Variants in PEF1 observed in about 807,000 individuals in gnomAD.
The protein encoded by PEF1 is peflin.
A neutral mutation model predicts 32.0 loss-of-function variants in PEF1; 17 were observed. The ratio of observed to expected loss-of-function variants is 0.53; its 90% CI spans 0.36 to 0.80. PEF1 has a LOEUF of 0.80. PEF1 is among the 30% of genes least tolerant of loss of function. The pLI, the probability that PEF1 is intolerant of heterozygous loss-of-function variation, is 0.00. For synonymous variants in PEF1, 130 were observed against 139.8 expected (o/e 0.93, Z 0.50); for missense variants, 362 against 369.1 (o/e 0.98, Z 0.16).
intron 1 of PEF1, among the ~76,000 whole-genome samples, chr1:31,638,851 T>C (rs112975950): frequency 0.022 from 3,405 of 152,348 alleles, 114 homozygotes; most frequent in African/African-American, 0.077. Context: ...TCAGCACGCA[T>C]TTTCAGAGTG....
intron 1 of PEF1, among the ~76,000 whole-genome samples, chr1:31,641,072 C>G (rs1349134296): frequency 1.6e-4 from 25 of 152,198 alleles, no homozygotes; most frequent in Admixed American, 1.6e-3. Context: ...CCCCAGACTT[C>G]AATTACCTCT....
At chr1:31,632,211 G>A (rs1307455548) in intron 4 of PEF1, 10 of 616,022 alleles carry the variant, frequency 1.6e-5, no homozygotes, top group Non-Finnish European at 2.3e-5. Flanking sequence ...TCCTTAAGGT[G>A]CCAAGTTTCC....
At chr1:31,632,742 G>A (rs1275503085) in intron 3 of PEF1, 104 bp from the exon 4 acceptor site, 2 of 1,379,248 alleles carry the variant, frequency 1.5e-6, no homozygotes, top group African/African-American at 2.9e-5. Flanking sequence ...GCTGGAGTAG[G>A]CGACTTCACA....
intron 1 of PEF1, among the ~76,000 whole-genome samples, chr1:31,636,348 CACCTAT>C (rs1461712303): frequency 6.6e-6 from 1 of 152,090 alleles, no homozygotes; most frequent in East Asian, 1.9e-4. Flanking sequence ...TGGTGGCGCA[CACCTAT>C]AGTCCCAATG....
intron 2 of PEF1, 122 bp downstream of exon 2, chr1:31,635,093 TGAAGCTG>T: frequency 8.6e-7 from 1 of 1,166,718 alleles, no homozygotes; most frequent in South Asian, 1.4e-5. Flanking sequence ...GGATACACAC[TGAAGCTG>T]GAAGCAAGAT....
intron 1 of PEF1, among the ~76,000 whole-genome samples, chr1:31,643,456 C>A (rs1285001015): frequency 1.3e-5 from 2 of 152,230 alleles, no homozygotes; most frequent in Non-Finnish European, 2.9e-5. Flanking sequence ...CTTCCTAACT[C>A]CAGCCCGCAC....
intron 1 of PEF1, 197 bp downstream of exon 1, chr1:31,644,644 T>A: frequency 6.9e-7 from 1 of 1,441,008 alleles, no homozygotes; most frequent in Admixed American, 2.6e-5. Context: ...CGACACGACC[T>A]CGCGAATGTG....
intron 4 of PEF1, 200 bp downstream of exon 4, chr1:31,632,295 T>C (rs1383538371): frequency 2.3e-6 from 2 of 878,152 alleles, no homozygotes; most frequent in Admixed American, 4.0e-5. Context: ...TGGACCCAGG[T>C]GTTTCCTTGC....
In PEF1 at chr1:31,635,262, T is replaced by C. The variant is rs575658591; in HGVS notation, c.285A>G (p.Pro95=). 3.2e-5 allele frequency: 51 copies of C among 1,614,084 alleles called. 2 individuals are homozygous for C. In the South Asian group the frequency reaches 5.4e-4, roughly 17 times the overall value. ...CAGGCTGCTGGGCACCGTAGGAACT[T>C]GGAGGTGGCTGACCATAGGGGCCCC... ...APGGPYGQPP[P]SSYGAQQPGL... The change falls in exon 2 of 5, where the codon CCA becomes CCG. Residue 95 remains proline (P), a synonymous_variant. Coordinates refer to ENST00000373703, the MANE Select transcript of PEF1 (RefSeq NM_012392.4).
chr1:31,643,703 G>A (rs1325193268), intron 1 of PEF1, among the ~76,000 whole-genome samples: 1 of 152,196 alleles, frequency 6.6e-6, no homozygotes, highest in East Asian at 1.9e-4. Flanking sequence ...CTCCCTGGAA[G>A]GACTGTTACA....
Position 31,635,258 on chromosome 1 carries a change from A to G in PEF1, c.289T>C (p.Ser97Pro). 1 of 1,614,138 alleles carries G rather than the reference A, an allele frequency of 6.2e-7. No individual in the cohort carries two copies. The highest frequency in any genetic ancestry group is 8.5e-7 in the Non-Finnish European group (1 of 1,180,026). Residue 97 changes from serine (S) to proline (P), a missense_variant, in exon 2 of 5, where the codon TCC becomes CCC. Ser to Pro is a moderately conservative substitution (Grantham distance 74). Coordinates refer to ENST00000373703, the MANE Select transcript of PEF1 (RefSeq NM_012392.4). ...AGCCCAGGCTGCTGGGCACCGTAGGAACTTGGAGGTGGCTGACCATAGGGG... is the reference window on the plus strand; with the variant it reads ...AGCCCAGGCTGCTGGGCACCGTAGGGACTTGGAGGTGGCTGACCATAGGGG... ...GGPYGQPPPS[S>P]YGAQQPGLYG... is the part of the protein sequence containing the mutation.
At chr1:31,634,120 A>G (rs1640192867) in intron 2 of PEF1, among the ~76,000 whole-genome samples, 1 of 152,214 alleles carries the variant, frequency 6.6e-6, no homozygotes, top group Admixed American at 6.5e-5. Context: ...AAAGCCCAGT[A>G]AGGACAGAGG....
chr1:31,643,962 C>A (rs1250653227), intron 1 of PEF1: 2 of 152,188 alleles, frequency 1.3e-5, no homozygotes, highest in East Asian at 3.9e-4. Flanking sequence ...ATGTACCAAA[C>A]GCTTCGTAAG....
intron 4 of PEF1, 71 bp from the exon 5 acceptor site, chr1:31,630,913 T>G: frequency 7.8e-7 from 1 of 1,280,590 alleles, no homozygotes; most frequent in Non-Finnish European, 1.1e-6. Flanking sequence ...TCAGGAATAC[T>G]GGATCACAAC....
chr1:31,638,618 CA>C (rs1640318075), intron 1 of PEF1, among the ~76,000 whole-genome samples: 1 of 152,274 alleles, frequency 6.6e-6, no homozygotes, highest in South Asian at 2.1e-4. Flanking sequence ...TGCTGCCAGG[CA>C]GGTCTCCTGC....
rs1251913207 is a variant in PEF1 at position 31,630,260 on chromosome 1, G to A, written c.*353C>T. ...ACACAGGTACTAACGGTAACAGGCC[G>A]ATGAACACTCACCACTGGCATCAGG... is the stretch of plus-strand genomic sequence containing the variant. On this transcript the variant is annotated 3_prime_UTR_variant, in exon 5 of 5. Transcript: ENST00000373703. The A allele has an allele frequency of 1.2e-5, 4 of 323,928 alleles. No individual in the cohort carries two copies. The highest frequency in any genetic ancestry group is 7.0e-5 in the East Asian group (1 of 14,252). 20.1% of individuals were successfully genotyped at this position (323,928 alleles called of 1,614,324 possible).
At position 31,642,293 on chromosome 1, in the gene PEF1, T is replaced by C. The variant is rs931194680; in HGVS notation, c.24+2548A>G. ...AAAGGGAAAACTGAGTCTCAGACTT[T>C]TGCAACAAACTTCTGCAAGGGAGTG... is the stretch of plus-strand genomic sequence containing the variant. On this transcript the variant is annotated intron_variant, in intron 1 of 4. Transcript: ENST00000373703. 2.6e-5 allele frequency among the ~76,000 whole-genome samples: 4 copies of C among 152,242 alleles called. No homozygotes were observed. In the East Asian group the frequency reaches 5.8e-4, roughly 22 times the overall value.
In PEF1 at chr1:31,630,827, C is replaced by T; in HGVS notation, c.641G>A (p.Gly214Asp). ...TELQQALSQM[G>D]YNLSPQFTQL... is the part of the protein sequence containing the mutation. Reference sequence around the variant, plus strand: ...GGTGAACTGGGGGCTCAGGTTGTAGCCCATTTGGGACAGAGCTGGAGAAGA... The same window carrying T: ...GGTGAACTGGGGGCTCAGGTTGTAGTCCATTTGGGACAGAGCTGGAGAAGA... Residue 214 changes from glycine (G) to aspartate (D), a missense_variant, in exon 5 of 5, where the codon GGC becomes GAC. Transcript: ENST00000373703. 1.9e-6 allele frequency: 3 copies of T among 1,609,826 alleles called. No individual in the cohort carries two copies. Among genetic ancestry groups the T allele is most frequent in the Non-Finnish European group, 2.5e-6 (3 of 1,179,670 alleles).
Position 31,630,354 on chromosome 1 carries a change from C to G in PEF1, c.*259G>C, listed in dbSNP as rs1640060529. ...GCTCCTGGTGCCAGGCTGTGCCACTCAACTGCTCATGGCCATCAGGACATT... is the reference window on the plus strand; with the variant it reads ...GCTCCTGGTGCCAGGCTGTGCCACTGAACTGCTCATGGCCATCAGGACATT... On this transcript the variant is annotated 3_prime_UTR_variant, in exon 5 of 5. Transcript: ENST00000373703. 4 of 501,546 alleles carry G rather than the reference C, an allele frequency of 8.0e-6. No individual in the cohort carries two copies. In the South Asian group the frequency reaches 8.5e-5, roughly 11 times the overall value. 31.1% of individuals were successfully genotyped at this position (501,546 alleles called of 1,614,324 possible). A position where few individuals can be genotyped will look rare whatever the true frequency, so the allele number is the denominator to read the frequency against.
Sources: gnomAD v4.1 joint callset for allele counts (sites outside exome capture counted in the v4.1 genomes callset) on GRCh38, gnomAD v4.1.1 for gene constraint, MANE v1.5 for transcripts, NCBI Gene and HGNC (gene_info 2026-07-23, HGNC 2026-07-21) for gene names.